F10: variants seen among roughly 807,000 people sequenced by gnomAD.
The protein encoded by F10 is Stuart-Prower factor.
A neutral mutation model predicts 37.1 loss-of-function variants in F10; 29 were observed. The observed-to-expected ratio is 0.78, with a 90% CI of 0.58 to 1.07. The LOEUF (loss-of-function observed/expected upper bound fraction) is 1.07. Ranked by LOEUF, F10 falls within the 50% of genes least tolerant of loss-of-function variation. The pLI is 0.00. For missense variants in F10, 539 were observed against 667.9 expected, an observed-to-expected ratio of 0.81 and a Z score of 2.13; for synonymous variants, 262 against 268.6, an observed-to-expected ratio of 0.98 and a Z score of 0.24.
chr13:113,135,270 A>C (rs1001421881), intron 2 of F10, among the ~76,000 whole-genome samples: 2 of 152,116 alleles, frequency 1.3e-5, no homozygotes, highest in Middle Eastern at 3.2e-3. Flanking sequence ...AAAGAAAAGA[A>C]AGAATTGTCT....
chr13:113,123,795 G>C (rs2036344032), intron 1 of F10, among the ~76,000 whole-genome samples: 1 of 152,130 alleles, frequency 6.6e-6, no homozygotes, highest in Non-Finnish European at 1.5e-5. Context: ...ACATCACACG[G>C]GGGTCTTCTC....
At chr13:113,124,892 T>C (rs889572613) in intron 1 of F10, among the ~76,000 whole-genome samples, 5 of 152,250 alleles carry the variant, frequency 3.3e-5, no homozygotes, top group African/African-American at 1.2e-4. Flanking sequence ...GCCTGTTTCC[T>C]GGCCTCGGGG....
At chr13:113,145,026 C>G (rs1009274118) in intron 6 of F10, among the ~76,000 whole-genome samples, 2 of 152,146 alleles carry the variant, frequency 1.3e-5, no homozygotes, top group Non-Finnish European at 2.9e-5. Flanking sequence ...CTACAGGCGC[C>G]TGCCACCACG....
chr13:113,127,968 T>C (rs79853958), intron 1 of F10, among the ~76,000 whole-genome samples: 2,726 of 151,834 alleles, frequency 0.018, 77 homozygotes, highest in African/African-American at 0.06. Flanking sequence ...CGTGAGCATG[T>C]GAGGAGGCTG....
At position 113,141,803 on chromosome 13, in the gene F10, G is replaced by A. The variant is rs766226473; in HGVS notation, c.502+753G>A. Among the ~76,000 whole-genome samples, 11 of 152,154 alleles carry A rather than the reference G, an allele frequency of 7.2e-5. No individual in the cohort carries two copies. Among genetic ancestry groups the A allele is most frequent in the Non-Finnish European group, 8.8e-5 (6 of 68,026 alleles). On this transcript the variant is annotated intron_variant, in intron 5 of 7. Transcript: ENST00000375559. This position sits in a 1 kb window ranked among gnomAD's most constrained non-coding sequence, Gnocchi z 5.4. Reference sequence around the variant, plus strand: ...CTCCCACTCATAGCTGGCCCGACCCGCAGCGTTGGCCTCACCCGGGGGCAT... The same window carrying A: ...CTCCCACTCATAGCTGGCCCGACCCACAGCGTTGGCCTCACCCGGGGGCAT...
At chr13:113,148,570 A>G (rs1233334519) in intron 7 of F10, among the ~76,000 whole-genome samples, 3 of 152,100 alleles carry the variant, frequency 2.0e-5, no homozygotes, top group Admixed American at 2.0e-4. Context: ...ACTCTCAGCC[A>G]GCGGCCACAC....
In F10 at chr13:113,139,101, G is replaced by T. The variant is rs2036503976; in HGVS notation, c.257-256G>T. Among the ~76,000 whole-genome samples the T allele has an allele frequency of 6.6e-6, 1 of 152,190 alleles. No individual in the cohort carries two copies. The highest frequency in any genetic ancestry group is 1.5e-5 in the Non-Finnish European group (1 of 68,048). ...CCAGTTGGTCCCTGTGGTCACCTCT[G>T]ACTGTAAACACACTGCAAAACACCG... On this transcript the variant is annotated intron_variant, in intron 3 of 7. Transcript: ENST00000375559. This position sits in a 1 kb window ranked among gnomAD's most constrained non-coding sequence, Gnocchi z 5.2.
At chr13:113,125,121 TG>T (rs1191723403) in intron 1 of F10, among the ~76,000 whole-genome samples, 3 of 152,260 alleles carry the variant, frequency 2.0e-5, no homozygotes, top group Non-Finnish European at 2.9e-5. Context: ...TCTGAGGTTC[TG>T]GGAAAGACAT....
At position 113,149,194 on chromosome 13, in the gene F10, G is replaced by T; in HGVS notation, c.1144G>T (p.Val382Leu). Residue 382 changes from valine (V) to leucine (L), a missense_variant, in exon 8 of 8, where the codon GTG becomes TTG. Val to Leu is a conservative substitution (Grantham distance 32). Coordinates refer to ENST00000375559, the MANE Select transcript of F10 (RefSeq NM_000504.4). The surrounding 1 kb of genome is among the most constrained non-coding windows in gnomAD (Gnocchi z 7.5). ...GTCCACCAGGCTCAAGATGCTGGAG[G>T]TGCCCTACGTGGACCGCAACAGCTG... The part of the protein sequence containing the change: ...RQSTRLKMLE[V>L]PYVDRNSCKL... The T allele has an allele frequency of 6.2e-7, 1 of 1,613,020 alleles. No individual in the cohort carries two copies. The highest frequency in any genetic ancestry group is 1.7e-5 in the Admixed American group (1 of 60,014).
chr13:113,148,399 T>TATAC lies in F10; in HGVS notation c.866-516_866-515insTACA, dbSNP rs138750596. On this transcript the variant is annotated intron_variant, in intron 7 of 7. Transcript: ENST00000375559. ...ATGTGTATATATATATACATATATA[T>TATAC]ACACACACACACACAATTTCCATAA... Among the ~76,000 whole-genome samples the TATAC allele has an allele frequency of 2.5e-3, 352 of 138,606 alleles. 11 individuals carry two copies. Among genetic ancestry groups the TATAC allele is most frequent in the South Asian group, 6.1e-3 (27 of 4,456 alleles). The allele number at this position is 138,606 out of a possible 152,430, so 90.9% of individuals were successfully genotyped here.
At chr13:113,137,589 G>A (rs2036490805) in intron 2 of F10, among the ~76,000 whole-genome samples, 1 of 152,186 alleles carries the variant, frequency 6.6e-6, no homozygotes, top group Non-Finnish European at 1.5e-5. Flanking sequence ...GGGATTTATT[G>A]TCGCAGCTTT....
rs529372161 is a variant in F10 at position 113,141,736 on chromosome 13, C to A, written c.502+686C>A. On this transcript the variant is annotated intron_variant, in intron 5 of 7. Transcript: ENST00000375559. The surrounding 1 kb of genome is among the most constrained non-coding windows in gnomAD (Gnocchi z 5.4). ...CCAGCACACATGAGGCCCTCGAAGG[C>A]GGGGCCTAGGCGTCACAGCTGCACC... 6.6e-6 allele frequency among the ~76,000 whole-genome samples: 1 copy of A among 152,170 alleles called. No homozygotes were observed. Among genetic ancestry groups the A allele is most frequent in the Non-Finnish European group, 1.5e-5 (1 of 68,034 alleles).
chr13:113,126,413 G>A (rs1331675609), intron 1 of F10, among the ~76,000 whole-genome samples: 1 of 152,150 alleles, frequency 6.6e-6, no homozygotes, highest in African/African-American at 2.4e-5. Flanking sequence ...AATCAGCCTG[G>A]GGATGCTCGG....
At position 113,144,463 on chromosome 13, in the gene F10, C is replaced by T. The variant is rs1434914180; in HGVS notation, c.747+368C>T. 2.0e-5 allele frequency among the ~76,000 whole-genome samples: 3 copies of T among 152,256 alleles called. No homozygotes were observed. The highest frequency in any genetic ancestry group is 2.9e-5 in the Non-Finnish European group (2 of 68,046). ...CTCAAGTGTCCTCAAACCTCCCCTA[C>T]ACCAGGAGACAAGGCTAAAGCCAGG... On this transcript the variant is annotated intron_variant, in intron 6 of 7. Transcript: ENST00000375559. This position sits in a 1 kb window ranked among gnomAD's most constrained non-coding sequence, Gnocchi z 6.4.
At chr13:113,138,616 T>C in intron 3 of F10, 135 bp downstream of exon 3, 3 of 629,630 alleles carry the variant, frequency 4.8e-6, no homozygotes, top group Non-Finnish European at 8.6e-6. Context: ...TCAGGGTGTT[T>C]CCATAATAGT....
Position 113,143,956 on chromosome 13 carries a change from A to G in F10, c.608A>G (p.Tyr203Cys). 6.2e-7 allele frequency: 1 copy of G among 1,613,358 alleles called. No individual in the cohort carries two copies. Among genetic ancestry groups the G allele is most frequent in the South Asian group, 1.1e-5 (1 of 91,048 alleles). The change falls in exon 6 of 8, where the codon TAT becomes TGT. Residue 203 changes from tyrosine (Y) to cysteine (C), a missense_variant. Physicochemically the swap from Tyr to Cys is radical, Grantham distance 194. This residue lies in a region of F10 where 409 missense variants were observed against 547.9 expected (regional missense o/e 0.75). Transcript: ENST00000375559. The surrounding 1 kb of genome is among the most constrained non-coding windows in gnomAD (Gnocchi z 6.8). The stretch of plus-strand genomic sequence containing the variant: ...CCTGACAGCATCACATGGAAGCCAT[A>G]TGATGCAGCCGACCTGGACCCCACC... ...EAPDSITWKP[Y>C]DAADLDPTEN...
At chr13:113,147,121 G>A (rs186273686) in intron 6 of F10, among the ~76,000 whole-genome samples, 1 of 152,368 alleles carries the variant, frequency 6.6e-6, no homozygotes, top group East Asian at 1.9e-4. Flanking sequence ...ATGGACAGAT[G>A]TGTCGTGTGC....
intron 4 of F10, among the ~76,000 whole-genome samples, chr13:113,140,073 C>CT (rs11398393): frequency 0.021 from 2,626 of 125,386 alleles, 126 homozygotes; most frequent in African/African-American, 0.068. Flanking sequence ...AATTGATCAT[C>CT]TTTTTTTTTT....
At chr13:113,123,067 T>G in intron 1 of F10, 142 bp downstream of exon 1, 1 of 1,031,432 alleles carries the variant, frequency 9.7e-7, no homozygotes, top group African/African-American at 1.6e-5. Context: ...TGGCTGGGCT[T>G]GGCCTTTCCA....
Sources: allele counts gnomAD v4.1 joint callset (sites outside exome capture counted in the v4.1 genomes callset), GRCh38; gene constraint gnomAD v4.1.1; regional missense constraint gnomAD v4.1.1; non-coding constraint Gnocchi (gnomAD v3.1); transcripts MANE v1.5; gene names NCBI Gene and HGNC (gene_info 2026-07-23, HGNC 2026-07-21).